Variants in ASTN1 observed in about 807,000 individuals in gnomAD.
ASTN1 encodes the protein astrotactin-1.
ASTN1 carries 41 observed loss-of-function variants against 140.7 expected under a neutral mutation model. The ratio of observed to expected loss-of-function variants is 0.29; its 90% CI spans 0.23 to 0.38. The LOEUF (loss-of-function observed/expected upper bound fraction) is 0.38, where lower values mean the gene tolerates loss of function less well. Ranked by LOEUF, ASTN1 falls within the 10% of genes least tolerant of loss-of-function variation. The probability of loss-of-function intolerance (pLI) is 1.00; values close to 1 mark genes in which losing one functional copy is unlikely to be tolerated. For missense variants in ASTN1, 1,479 were observed against 1,678.8 expected, an observed-to-expected ratio of 0.88 and a Z score of 2.08; for synonymous variants, 640 against 652.2, an observed-to-expected ratio of 0.98 and a Z score of 0.29.
At chr1:177,076,166 C>A (rs2102065653) in intron 1 of ASTN1, among the ~76,000 whole-genome samples, 1 of 151,158 alleles carries the variant, frequency 6.6e-6, no homozygotes, top group African/African-American at 2.4e-5. Context: ...GTAGTCCCAG[C>A]TACTCGGGAG....
intron 8 of ASTN1, among the ~76,000 whole-genome samples, chr1:176,975,648 C>T (rs551456550): frequency 5.4e-4 from 82 of 152,212 alleles, no homozygotes; most frequent in Non-Finnish European, 1.1e-3. Flanking sequence ...ATTAGAGTCA[C>T]TTACTTATCT....
At chr1:176,897,728 A>C (rs1344244020) in intron 16 of ASTN1, among the ~76,000 whole-genome samples, 1 of 152,230 alleles carries the variant, frequency 6.6e-6, no homozygotes, top group Non-Finnish European at 1.5e-5. Context: ...TTTACCCGAC[A>C]GAGAAAAATA....
intron 2 of ASTN1, among the ~76,000 whole-genome samples, chr1:177,056,248 T>C (rs1677796896): frequency 6.6e-6 from 1 of 152,230 alleles, no homozygotes; most frequent in Non-Finnish European, 1.5e-5. Flanking sequence ...GTGCCCATTT[T>C]ATTTGCTGGA....
intron 2 of ASTN1, among the ~76,000 whole-genome samples, chr1:177,060,758 C>T (rs1024125317): frequency 2.0e-5 from 3 of 152,154 alleles, no homozygotes; most frequent in Non-Finnish European, 4.4e-5. Context: ...ATCTTGGTTT[C>T]CCAAAGTGCT....
chr1:177,023,200 A>ATCC (rs1400733916), intron 7 of ASTN1, among the ~76,000 whole-genome samples: 2 of 152,212 alleles, frequency 1.3e-5, no homozygotes, highest in African/African-American at 4.8e-5. Flanking sequence ...TACAGTTAGT[A>ATCC]TCCTTCCAAG....
chr1:177,048,503 A>G (rs1281936284), intron 2 of ASTN1, among the ~76,000 whole-genome samples: 1 of 152,230 alleles, frequency 6.6e-6, no homozygotes, highest in Non-Finnish European at 1.5e-5. Context: ...GAATTATATT[A>G]TATAAAGGCT....
At chr1:176,858,059 A>G (rs1667865503), downstream of ASTN1, among the ~76,000 whole-genome samples, 2 of 152,188 alleles carry the variant, frequency 1.3e-5, no homozygotes, top group African/African-American at 4.8e-5. Flanking sequence ...AAAGATAGTA[A>G]GGAATCCATT....
At chr1:177,162,618 T>C (rs1454243585) in intron 1 of ASTN1, among the ~76,000 whole-genome samples, 2 of 152,204 alleles carry the variant, frequency 1.3e-5, no homozygotes, top group Non-Finnish European at 2.9e-5. Flanking sequence ...AAATGTTGAA[T>C]ACCTGCTAGC....
chr1:177,023,878 G>GC (rs2101957713), intron 6 of ASTN1, among the ~76,000 whole-genome samples: 1 of 152,268 alleles, frequency 6.6e-6, no homozygotes, highest in South Asian at 2.1e-4. Flanking sequence ...GATGGCCATG[G>GC]CATGGCTCCA....
rs532718054 is a variant in ASTN1, at chr1:177,067,449, G to A, written c.284-6184C>T. 1.1e-4 allele frequency among the ~76,000 whole-genome samples: 16 copies of A among 152,192 alleles called. No individual in the cohort carries two copies. The East Asian group carries it at 3.1e-3, about 29-fold the overall frequency. On this transcript the variant is annotated intron_variant, in intron 1 of 22. Coordinates refer to ENST00000361833, the MANE Select transcript of ASTN1 (RefSeq NM_004319.3). ...ACTTACTATCATTAAGGTAACCAAA[G>A]ATAGGCCTATGATAGAAATACCCCC...
chr1:177,076,485 G>A (rs1459807880), intron 1 of ASTN1, among the ~76,000 whole-genome samples: 2 of 150,516 alleles, frequency 1.3e-5, no homozygotes, highest in Admixed American at 6.6e-5. Flanking sequence ...AAGAAAAGAC[G>A]TTTCTCTGCT....
intron 1 of ASTN1, among the ~76,000 whole-genome samples, chr1:177,093,503 A>C (rs985846441): frequency 3.3e-5 from 5 of 152,226 alleles, no homozygotes; most frequent in Admixed American, 2.6e-4. Flanking sequence ...TAGGGCACCC[A>C]TACTTACTTC....
intron 1 of ASTN1, among the ~76,000 whole-genome samples, chr1:177,098,762 A>C (rs2102124413): frequency 1.3e-5 from 2 of 152,350 alleles, no homozygotes; most frequent in African/African-American, 4.8e-5. Flanking sequence ...CATCTGCCTC[A>C]GGATAAGGAA....
rs142892510 is a variant in ASTN1 at position 177,019,779 on chromosome 1, A to G, written c.1438+3625T>C. On this transcript the variant is annotated intron_variant, in intron 7 of 22. Transcript: ENST00000361833. ...AGTATTCTCCAGCTCCAGTTCTTCC[A>G]TAGATTCCTGATACATCTTTGAAAA... 4.9e-4 allele frequency among the ~76,000 whole-genome samples: 75 copies of G among 152,362 alleles called. 1 individual carries two copies. The East Asian group carries it at 0.013, about 27-fold the overall frequency.
intron 14 of ASTN1, among the ~76,000 whole-genome samples, chr1:176,943,264 G>A (rs1048320197): frequency 1.3e-5 from 2 of 151,956 alleles, no homozygotes; most frequent in African/African-American, 4.8e-5. Flanking sequence ...AGAGATTCCT[G>A]CCTCTTCTAA....
chr1:177,122,277 C>G (rs1270167448), intron 1 of ASTN1, among the ~76,000 whole-genome samples: 1 of 152,166 alleles, frequency 6.6e-6, no homozygotes, highest in African/African-American at 2.4e-5. Flanking sequence ...TCAGAAGTGA[C>G]AGGAGCCATG....
intron 14 of ASTN1, among the ~76,000 whole-genome samples, chr1:176,942,853 TA>T (rs1181903172): frequency 8.8e-5 from 8 of 90,920 alleles, no homozygotes; most frequent in South Asian, 3.7e-4. Flanking sequence ...TATATATATA[TA>T]TATATATATA....
rs114336656 is a variant in ASTN1, at chr1:177,085,822, C to T, written c.284-24557G>A. ...GCGTGGGCATTGTCTTCGCCAGGTT[C>T]GTACTTTCTTGGAGGCTCCTAGGTA... On this transcript the variant is annotated intron_variant, in intron 1 of 22. Coordinates refer to ENST00000361833, the MANE Select transcript of ASTN1 (RefSeq NM_004319.3). Among the ~76,000 whole-genome samples, 477 of 152,228 alleles carry T rather than the reference C, an allele frequency of 3.1e-3. 2 individuals carry two copies. The highest frequency in any genetic ancestry group is 0.011 in the African/African-American group (445 of 41,540).
intron 16 of ASTN1, among the ~76,000 whole-genome samples, chr1:176,915,618 G>C (rs373274892): frequency 6.6e-6 from 1 of 152,140 alleles, no homozygotes; most frequent in Non-Finnish European, 1.5e-5. Context: ...CACAGCTTCC[G>C]GTGGTATCAT....
Sources: allele counts gnomAD v4.1 joint callset (sites outside exome capture counted in the v4.1 genomes callset), GRCh38; gene constraint gnomAD v4.1.1; transcripts MANE v1.5; gene names NCBI Gene and HGNC (gene_info 2026-07-23, HGNC 2026-07-21).